The following KLHL12 variants were observed in gnomAD, a reference collection of about 807,000 sequenced individuals.
The protein encoded by KLHL12 is kelch-like protein 12.
A neutral mutation model predicts 60.8 loss-of-function variants in KLHL12; 17 were observed. The ratio of observed to expected loss-of-function variants is 0.28; its 90% CI spans 0.19 to 0.42. The LOEUF is 0.42. Among genes scored for constraint, KLHL12 ranks in the 10% least tolerant of loss-of-function variants. The pLI is 1.00. For missense variants in KLHL12, 468 were observed against 722.3 expected, an observed-to-expected ratio of 0.65 and a Z score of 4.04; for synonymous variants, 220 against 250.9, an observed-to-expected ratio of 0.88 and a Z score of 1.16.
chr1:202,921,729 A>T (rs1159210065), intron 2 of KLHL12, among the ~76,000 whole-genome samples: 1 of 152,202 alleles, frequency 6.6e-6, no homozygotes, highest in African/African-American at 2.4e-5. Flanking sequence ...TTTACAGGAA[A>T]CTATCTGAAA....
chr1:202,916,905 C>A (rs987892021), intron 4 of KLHL12, among the ~76,000 whole-genome samples: 55 of 151,268 alleles, frequency 3.6e-4, no homozygotes, highest in South Asian at 2.1e-4. Context: ...GCTCAGACAT[C>A]CAGGCTGCAG....
intron 6 of KLHL12, among the ~76,000 whole-genome samples, chr1:202,898,568 A>C (rs1170286782): frequency 3.3e-5 from 5 of 152,160 alleles, no homozygotes; most frequent in Admixed American, 2.0e-4. Context: ...ACTGAGCCTG[A>C]CTCTTAACAA....
chr1:202,920,491 C>G (rs1334425271), intron 2 of KLHL12, among the ~76,000 whole-genome samples: 1 of 147,876 alleles, frequency 6.8e-6, no homozygotes, highest in Admixed American at 6.8e-5. Context: ...ATTCTCCTGG[C>G]TCAGCCTCCC....
intron 4 of KLHL12, among the ~76,000 whole-genome samples, chr1:202,917,339 C>T (rs1460230692): frequency 2.6e-5 from 4 of 152,176 alleles, no homozygotes; most frequent in African/African-American, 9.7e-5. Context: ...CTCAGCCTCT[C>T]AAGTAGCTGG....
chr1:202,894,689 T>C lies in KLHL12; in HGVS notation c.1196A>G (p.Tyr399Cys), dbSNP rs781125368. 3.1e-6 allele frequency: 5 copies of C among 1,613,938 alleles called. No homozygotes were observed. Among genetic ancestry groups the C allele is most frequent in the Middle Eastern group, 1.6e-4 (1 of 6,084 alleles). The change falls in exon 9 of 12, where the codon TAT (tyrosine) becomes TGT (cysteine). Residue 399 changes from tyrosine (Y) to cysteine (C), a missense_variant. Transcript: ENST00000367261. ...GCTCCACTGGTCAATGTTTGGATCATAGCGCTCCATACTGGTGTGACGCCT... is the reference window on the plus strand; with the variant it reads ...GCTCCACTGGTCAATGTTTGGATCACAGCGCTCCATACTGGTGTGACGCCT... ...GSRRHTSMER[Y>C]DPNIDQWSML...
At chr1:202,892,789 T>C in intron 11 of KLHL12, 130 bp from the exon 12 acceptor site, 1 of 831,164 alleles carries the variant, frequency 1.2e-6, no homozygotes. Flanking sequence ...GAGACCAGCC[T>C]GGGCAACATG....
rs1182730389 is a variant in KLHL12, at chr1:202,895,228, C to T, written c.1135+294G>A. 6.6e-6 allele frequency among the ~76,000 whole-genome samples: 1 copy of T among 151,944 alleles called. No individual in the cohort carries two copies. Among genetic ancestry groups the T allele is most frequent in the Non-Finnish European group, 1.5e-5 (1 of 67,998 alleles). On this transcript the variant is annotated intron_variant, in intron 8 of 11. Coordinates refer to ENST00000367261, the MANE Select transcript of KLHL12 (RefSeq NM_021633.4). The surrounding 1 kb of genome is among the most constrained non-coding windows in gnomAD (Gnocchi z 4.2). ...GCAACATGGCGAAACCCCATCTCTA[C>T]TAAAAATACAAAAATATAGCTGGGC...
chr1:202,900,268 GCA>G (rs1484603710), intron 6 of KLHL12, among the ~76,000 whole-genome samples: 1 of 149,480 alleles, frequency 6.7e-6, no homozygotes, highest in Non-Finnish European at 1.5e-5. Context: ...AAGAAGTCAG[GCA>G]CAGTGGCTCA....
chr1:202,906,743 C>T (rs899372592), intron 6 of KLHL12, among the ~76,000 whole-genome samples: 1 of 152,194 alleles, frequency 6.6e-6, no homozygotes, highest in East Asian at 1.9e-4. Context: ...CTCACTGCAA[C>T]CTCCGCCTCC....
In KLHL12 at chr1:202,895,592, C is replaced by A. The variant is rs1659808396; in HGVS notation, c.1065G>T (p.Glu355Asp). ...SVECLDYTAD[E>D]DGVWYSVAPM... is the part of the protein sequence containing the mutation. Reference sequence around the variant, plus strand: ...GGGCCACAGAATACCAGACCCCATCCTCATCTGCTGTGTAGTCTAGACATT... The same window carrying A: ...GGGCCACAGAATACCAGACCCCATCATCATCTGCTGTGTAGTCTAGACATT... Residue 355 changes from glutamate (E) to aspartate (D), a missense_variant, in exon 8 of 12, where the codon GAG (glutamate) becomes GAT (aspartate). Coordinates refer to ENST00000367261, the MANE Select transcript of KLHL12 (RefSeq NM_021633.4). This position sits in a 1 kb window ranked among gnomAD's most constrained non-coding sequence, Gnocchi z 4.2. 1.2e-6 allele frequency: 2 copies of A among 1,614,170 alleles called. No homozygotes were observed. Among genetic ancestry groups the A allele is most frequent in the East Asian group, 4.5e-5 (2 of 44,886 alleles).
At chr1:202,911,975 C>T in intron 4 of KLHL12, 1 of 804,900 alleles carries the variant, frequency 1.2e-6, no homozygotes, top group Non-Finnish European at 2.2e-6. Context: ...ACCAAGTGCT[C>T]CAGGGGCTTT....
At chr1:202,920,184 C>G (rs554748547) in intron 2 of KLHL12, among the ~76,000 whole-genome samples, 25 of 151,788 alleles carry the variant, frequency 1.6e-4, no homozygotes, top group African/African-American at 6.0e-4. Context: ...CATGGTGGCA[C>G]ATGCCTGTAG....
chr1:202,923,811 T>C (rs1392999910), intron 2 of KLHL12, among the ~76,000 whole-genome samples: 3 of 151,598 alleles, frequency 2.0e-5, no homozygotes, highest in Non-Finnish European at 2.9e-5. Flanking sequence ...AATACGCCTC[T>C]CCCATTCTGA....
intron 9 of KLHL12, 72 bp downstream of exon 9, chr1:202,894,519 T>C (rs1003598396): frequency 1.3e-5 from 20 of 1,501,434 alleles, no homozygotes; most frequent in Non-Finnish European, 1.8e-5. Context: ...GTCATTTTGG[T>C]AAAAAGGAAT....
chr1:202,894,074 A>C (rs957966556), intron 10 of KLHL12, 110 bp downstream of exon 10: 2 of 613,894 alleles, frequency 3.3e-6, no homozygotes, highest in Non-Finnish European at 5.8e-6. Context: ...CAAGGAGGAG[A>C]GCAGAATCTC....
At chr1:202,908,269 C>T (rs9919219) in intron 6 of KLHL12, among the ~76,000 whole-genome samples, 125,186 of 152,140 alleles carry the variant, frequency 0.82, 51,863 homozygotes, top group East Asian at 0.89. Context: ...GGTAGACATA[C>T]AGGCTCAGAT....
intron 6 of KLHL12, among the ~76,000 whole-genome samples, chr1:202,902,010 TTACTGCTAAAAAAC>T (rs369987689): frequency 0.011 from 1,665 of 152,322 alleles, 31 homozygotes; most frequent in African/African-American, 0.038. Flanking sequence ...ATATACATTT[TTACTGCTAAAAAAC>T]TTGGAAAATA....
intron 6 of KLHL12, 65 bp downstream of exon 6, chr1:202,908,944 AC>A (rs1660275439): frequency 2.0e-6 from 2 of 1,000,880 alleles, no homozygotes; most frequent in African/African-American, 3.2e-5. Context: ...ATTATTTTCA[AC>A]TATGTTGTCA....
chr1:202,908,656 A>G (rs942654655), intron 6 of KLHL12, among the ~76,000 whole-genome samples: 1 of 152,194 alleles, frequency 6.6e-6, no homozygotes, highest in Non-Finnish European at 1.5e-5. Flanking sequence ...AGGTGGGTGG[A>G]AGCATATACT....
Sources: allele counts gnomAD v4.1 joint callset (sites outside exome capture counted in the v4.1 genomes callset), GRCh38; gene constraint gnomAD v4.1.1; non-coding constraint Gnocchi (gnomAD v3.1); transcripts MANE v1.5; gene names NCBI Gene and HGNC (gene_info 2026-07-23, HGNC 2026-07-21).